The following TANC1 variants were observed in gnomAD, a reference collection of about 807,000 sequenced individuals.
TANC1 encodes protein TANC1.
Under a neutral mutation model 149.7 loss-of-function variants are expected in TANC1, and 77 were observed. The observed-to-expected ratio is 0.51, with a 90% CI of 0.43 to 0.62. TANC1 has a LOEUF of 0.62. Ranked by LOEUF, TANC1 falls within the 20% of genes least tolerant of loss-of-function variation. The pLI is 0.00. For missense variants in TANC1, 1,985 were observed against 2,321.8 expected (o/e 0.85, Z 2.98); for synonymous variants, 854 against 925.0 (o/e 0.92, Z 1.39).
At position 159,232,184 on chromosome 2, in the gene TANC1, T is replaced by TC. The variant is rs1415452923; in HGVS notation, c.*1173dup. 8 of 152,610 alleles carry TC rather than the reference T, an allele frequency of 5.2e-5. No homozygotes were observed. Among genetic ancestry groups the TC allele is most frequent in the Non-Finnish European group, 8.8e-5 (6 of 68,022 alleles). 9.5% of individuals were successfully genotyped at this position (152,610 alleles called of 1,614,324 possible). A position where few individuals can be genotyped will look rare whatever the true frequency, so the allele number is the denominator to read the frequency against. On this transcript the variant is annotated 3_prime_UTR_variant, in exon 27 of 27. Transcript: ENST00000263635. ...TTTGAGGTGCTACTTAAGTCCAAGC[T>TC]CTGATGTATTATTCATTTGTAAAGA...
chr2:159,031,531 C>T (rs1406729626), intron 2 of TANC1, among the ~76,000 whole-genome samples: 1 of 152,178 alleles, frequency 6.6e-6, no homozygotes, highest in African/African-American at 2.4e-5. Context: ...TCAATTTAGA[C>T]AAAACAAATT....
At chr2:159,068,182 A>G (rs1038327243) in intron 3 of TANC1, among the ~76,000 whole-genome samples, 6 of 152,228 alleles carry the variant, frequency 3.9e-5, no homozygotes, top group African/African-American at 1.4e-4. Flanking sequence ...GTTGGGGGAA[A>G]TACTTGGAAT....
intron 19 of TANC1, 80 bp downstream of exon 19, chr2:159,199,133 A>G (rs2058069412): frequency 1.6e-5 from 16 of 1,011,048 alleles, no homozygotes; most frequent in Admixed American, 8.7e-5. Context: ...TGTCTTAAGA[A>G]TGACTGATAT....
Position 159,232,624 on chromosome 2 carries a change from G to A in TANC1, c.*1612G>A, listed in dbSNP as rs566074861. ...TTAGTTTTGTTTCTGCACAACTACTGTACTTTTCCATATGGAATAAAGACT... is the reference window on the plus strand; with the variant it reads ...TTAGTTTTGTTTCTGCACAACTACTATACTTTTCCATATGGAATAAAGACT... On this transcript the variant is annotated 3_prime_UTR_variant, in exon 27 of 27. Transcript: ENST00000263635. The A allele has an allele frequency of 6.6e-6, 1 of 152,540 alleles. No homozygotes were observed. The highest frequency in any genetic ancestry group is 2.4e-5 in the African/African-American group (1 of 41,424). The allele number at this position is 152,540 out of a possible 1,614,324, so 9.4% of individuals were successfully genotyped here. A position where few individuals can be genotyped will look rare whatever the true frequency, so the allele number is the denominator to read the frequency against.
At position 159,179,167 on chromosome 2, in the gene TANC1, C is replaced by T. The variant is rs776207375; in HGVS notation, c.2510+4C>T. The T allele has an allele frequency of 1.9e-5, 31 of 1,600,870 alleles. No homozygotes were observed. The highest frequency in any genetic ancestry group is 1.0e-4 in the Admixed American group (6 of 58,964). ...CGGCCTTCCTGTGTGAGCCCAGGTA[C>T]GGCAGGCGCTTTCTTTCAGCTCTTT... On this transcript the variant is annotated splice_donor_region_variant and intron_variant, in intron 14 of 26. Coordinates refer to ENST00000263635, the MANE Select transcript of TANC1 (RefSeq NM_033394.3).
At chr2:159,015,643 T>C (rs1283246366) in intron 2 of TANC1, among the ~76,000 whole-genome samples, 8 of 152,232 alleles carry the variant, frequency 5.3e-5, no homozygotes, top group Non-Finnish European at 1.2e-4. Context: ...TGGATGCCTT[T>C]AATAGCACCC....
intron 5 of TANC1, among the ~76,000 whole-genome samples, chr2:159,143,398 C>G (rs912809737): frequency 1.3e-5 from 2 of 151,724 alleles, no homozygotes; most frequent in Non-Finnish European, 2.9e-5. Context: ...CTTACTGTAA[C>G]AGTACAAAAA....
chr2:159,225,534 A>G, intron 23 of TANC1, 154 bp from the exon 24 acceptor site: 1 of 639,978 alleles, frequency 1.6e-6, no homozygotes, highest in Non-Finnish European at 2.8e-6. Context: ...GATTAGCAAC[A>G]GCCTCGCCGG....
chr2:159,038,779 C>G (rs536091450), intron 2 of TANC1, among the ~76,000 whole-genome samples: 2 of 151,980 alleles, frequency 1.3e-5, no homozygotes, highest in African/African-American at 4.8e-5. Flanking sequence ...ATTTTTGCAT[C>G]GATGTTCATC....
At chr2:159,006,573 A>G (rs2037200408) in intron 2 of TANC1, among the ~76,000 whole-genome samples, 1 of 152,234 alleles carries the variant, frequency 6.6e-6, no homozygotes, top group African/African-American at 2.4e-5. Context: ...TCCATTATAA[A>G]ATATAGAAAA....
chr2:159,140,625 G>C lies in TANC1; in HGVS notation c.364+4327G>C, dbSNP rs2051254017. On this transcript the variant is annotated intron_variant, in intron 5 of 26. Transcript: ENST00000263635. The stretch of plus-strand genomic sequence containing the variant: ...TATATGGCGTGACTGTAATAAAGGA[G>C]GAAGTAATGACTAATCCAAGCTGTG... Among the ~76,000 whole-genome samples the C allele has an allele frequency of 2.0e-5, 3 of 152,108 alleles. No individual in the cohort carries two copies. The South Asian group carries it at 6.2e-4, about 32-fold the overall frequency.
At chr2:159,162,116 C>T (rs535742956) in intron 7 of TANC1, among the ~76,000 whole-genome samples, 1 of 152,210 alleles carries the variant, frequency 6.6e-6, no homozygotes, top group Non-Finnish European at 1.5e-5. Context: ...ATAGTTTTGT[C>T]TTTACTTCTA....
chr2:159,228,667 G>C, intron 25 of TANC1, 129 bp from the exon 26 acceptor site: 1 of 676,090 alleles, frequency 1.5e-6, no homozygotes, highest in Non-Finnish European at 2.7e-6. Flanking sequence ...GATAGAAAAC[G>C]GAACTTTCCC....
rs768225368 is a variant in TANC1 at position 159,175,041 on chromosome 2, G to C, written c.1592G>C (p.Arg531Pro). 1 of 1,614,156 alleles carries C rather than the reference G, an allele frequency of 6.2e-7. No individual in the cohort carries two copies. Among genetic ancestry groups the C allele is most frequent in the Non-Finnish European group, 8.5e-7 (1 of 1,180,018 alleles). Residue 531 changes from arginine to proline, a missense_variant, in exon 12 of 27, where the codon CGG (arginine) becomes CCG (proline). Physicochemically the swap from Arg to Pro is moderately radical, Grantham distance 103. Transcript: ENST00000263635. ...FVHSIAALLCRSHQLAAYRDL... is the reference protein window; with the variant it reads ...FVHSIAALLCPSHQLAAYRDL... ...CACAGCATCGCAGCTTTGCTCTGCC[G>C]GTCCCATCAGCTGGCCGCCTACAGA...
chr2:158,982,677 G>C (rs1393527189), intron 1 of TANC1, among the ~76,000 whole-genome samples: 2 of 152,192 alleles, frequency 1.3e-5, no homozygotes, highest in African/African-American at 4.8e-5. Context: ...GCACAGTCTT[G>C]GCTCACTGCA....
intron 2 of TANC1, among the ~76,000 whole-genome samples, chr2:159,021,920 G>A (rs1293404824): frequency 6.6e-6 from 1 of 152,156 alleles, no homozygotes; most frequent in Non-Finnish European, 1.5e-5. Flanking sequence ...TCAGGGACAT[G>A]TAAAGTCCCA....
Position 159,227,896 on chromosome 2 carries a change from C to A in TANC1, c.3981C>A (p.Asp1327Glu), listed in dbSNP as rs2060112668. 1.2e-6 allele frequency: 2 copies of A among 1,614,144 alleles called. No individual in the cohort carries two copies. The highest frequency in any genetic ancestry group is 8.5e-7 in the Non-Finnish European group (1 of 1,179,992). ...TTCCTCGAGAAGGATTCGGAGAGGA[C>A]ATGAGACCCTTCAATGAATTAAGGG... ...RKFPREGFGE[D>E]MRPFNELRVS... The change falls in exon 25 of 27, where the codon GAC becomes GAA. Residue 1327 changes from aspartate (D) to glutamate (E), a missense_variant. Asp to Glu is a conservative substitution (Grantham distance 45). Coordinates refer to ENST00000263635, the MANE Select transcript of TANC1 (RefSeq NM_033394.3).
In TANC1 at chr2:158,969,301, G is replaced by A. The variant is rs549380542; in HGVS notation, c.-126+519G>A. ...AGTGTTGGGGTGCGCGGGTCGCGAA[G>A]TTGCCGAGAGAACTTAAGCCGGAGG... On this transcript the variant is annotated intron_variant, in intron 1 of 26. Transcript: ENST00000263635. 2.6e-5 allele frequency among the ~76,000 whole-genome samples: 4 copies of A among 152,360 alleles called. No homozygotes were observed. The East Asian group carries it at 7.7e-4, about 29-fold the overall frequency.
intron 4 of TANC1, among the ~76,000 whole-genome samples, chr2:159,118,648 G>C (rs936672158): frequency 3.3e-5 from 5 of 152,160 alleles, no homozygotes; most frequent in Non-Finnish European, 7.3e-5. Context: ...TGTGTTACCT[G>C]AAACCTTAAG....
Sources: gnomAD v4.1 joint callset for allele counts (sites outside exome capture counted in the v4.1 genomes callset) on GRCh38, gnomAD v4.1.1 for gene constraint, MANE v1.5 for transcripts, NCBI Gene and HGNC (gene_info 2026-07-23, HGNC 2026-07-21) for gene names.